FUT9: variants seen among roughly 807,000 people sequenced by gnomAD.
FUT9 encodes the protein 4-galactosyl-N-acetylglucosaminide 3-alpha-L-fucosyltransferase 9.
In FUT9, 15 loss-of-function variants were observed where a neutral mutation model predicts 29.7. That is an observed-to-expected ratio of 0.51 (90% CI 0.34 to 0.78). FUT9 has a LOEUF of 0.78. Ranked by LOEUF, FUT9 falls within the 30% of genes least tolerant of loss-of-function variation. The pLI is 0.01. For missense variants in FUT9, 319 were observed against 425.4 expected, an observed-to-expected ratio of 0.75 and a Z score of 2.20; for synonymous variants, 169 against 153.7, an observed-to-expected ratio of 1.10 and a Z score of -0.74.
chr6:96,067,663 ACT>A (rs1176610094), intron 1 of FUT9, among the ~76,000 whole-genome samples: 1 of 152,058 alleles, frequency 6.6e-6, no homozygotes. Context: ...CTCAAGGATG[ACT>A]CTGATGCTTT....
At chr6:96,168,730 T>C (rs936148447) in intron 2 of FUT9, among the ~76,000 whole-genome samples, 4 of 152,162 alleles carry the variant, frequency 2.6e-5, no homozygotes, top group Non-Finnish European at 4.4e-5. Context: ...AATCAGTAGA[T>C]GGCAGGGAAG....
chr6:96,132,322 C>T (rs1562136955), intron 2 of FUT9, among the ~76,000 whole-genome samples: 2 of 105,140 alleles, frequency 1.9e-5, no homozygotes, highest in Non-Finnish European at 4.5e-5. Flanking sequence ...TCTGCTGTTC[C>T]ATTTCTAAAA....
intron 2 of FUT9, among the ~76,000 whole-genome samples, chr6:96,143,473 CCTT>C (rs941735249): frequency 2.6e-5 from 4 of 152,028 alleles, no homozygotes; most frequent in African/African-American, 9.7e-5. Flanking sequence ...TTCATTCATT[CCTT>C]CTTTCCTTTT....
intron 2 of FUT9, among the ~76,000 whole-genome samples, chr6:96,167,216 T>G (rs1016768519): frequency 6.6e-6 from 1 of 152,214 alleles, no homozygotes; most frequent in Non-Finnish European, 1.5e-5. Flanking sequence ...ATGTGATCCT[T>G]AATCCCTAAT....
At chr6:96,172,586 C>A (rs970007297) in intron 2 of FUT9, among the ~76,000 whole-genome samples, 1 of 151,816 alleles carries the variant, frequency 6.6e-6, no homozygotes, top group African/African-American at 2.4e-5. Context: ...TGGGTTTCTA[C>A]ATCATACCAC....
intron 1 of FUT9, among the ~76,000 whole-genome samples, chr6:96,110,205 C>A (rs1771772259): frequency 6.6e-6 from 1 of 152,242 alleles, no homozygotes; most frequent in South Asian, 2.1e-4. Flanking sequence ...ATTCAGCCTG[C>A]CCTTGATCTT....
chr6:96,047,739 A>T (rs139527320), intron 1 of FUT9, among the ~76,000 whole-genome samples: 2 of 152,298 alleles, frequency 1.3e-5, no homozygotes, highest in East Asian at 3.9e-4. Flanking sequence ...CATAGGTAAT[A>T]TGTGAGAAAA....
At chr6:96,125,334 G>A (rs1263929080) in intron 2 of FUT9, among the ~76,000 whole-genome samples, 2 of 152,148 alleles carry the variant, frequency 1.3e-5, no homozygotes, top group Middle Eastern at 3.2e-3. Context: ...TATGAGGCAA[G>A]TCAGTTTATC....
intron 1 of FUT9, among the ~76,000 whole-genome samples, chr6:96,034,955 TG>T (rs1770325249): frequency 6.6e-6 from 1 of 151,724 alleles, no homozygotes; most frequent in South Asian, 2.1e-4. Flanking sequence ...ATCAGTTGTT[TG>T]GATAAGAGGA....
At chr6:96,170,922 T>C (rs561191439) in intron 2 of FUT9, among the ~76,000 whole-genome samples, 1 of 152,316 alleles carries the variant, frequency 6.6e-6, no homozygotes, top group Non-Finnish European at 1.5e-5. Context: ...GTCTACACTT[T>C]TGAGGACAAC....
intron 1 of FUT9, among the ~76,000 whole-genome samples, chr6:96,018,989 T>C (rs1203685700): frequency 6.6e-6 from 1 of 151,966 alleles, no homozygotes; most frequent in Admixed American, 6.6e-5. Context: ...ATTATTTTGG[T>C]ATTTGGAATA....
At chr6:96,080,032 T>A (rs1582215967) in intron 1 of FUT9, among the ~76,000 whole-genome samples, 1 of 152,050 alleles carries the variant, frequency 6.6e-6, no homozygotes, top group African/African-American at 2.4e-5. Flanking sequence ...TAGAATAAAC[T>A]CAGGACATTA....
intron 1 of FUT9, among the ~76,000 whole-genome samples, chr6:96,092,328 G>A (rs1301485974): frequency 1.3e-5 from 2 of 152,052 alleles, no homozygotes; most frequent in Non-Finnish European, 2.9e-5. Context: ...ATACACTTGT[G>A]TGAAATTCAA....
chr6:96,181,474 A>T (rs952594416), intron 2 of FUT9, among the ~76,000 whole-genome samples: 3 of 151,508 alleles, frequency 2.0e-5, no homozygotes, highest in South Asian at 2.1e-4. Flanking sequence ...TTGGGGGAAC[A>T]GGTGGTGTTT....
chr6:96,046,151 GT>G (rs11314020), intron 1 of FUT9, among the ~76,000 whole-genome samples: 104,952 of 145,196 alleles, frequency 0.72, 38,199 homozygotes, highest in African/African-American at 0.88. Context: ...TTTCAAAGTT[GT>G]TTTTTTTTTT....
chr6:96,083,442 A>G (rs1035801072), intron 1 of FUT9, among the ~76,000 whole-genome samples: 1 of 152,072 alleles, frequency 6.6e-6, no homozygotes, highest in Non-Finnish European at 1.5e-5. Context: ...TGTTCTCTGG[A>G]TGCATTGACT....
chr6:96,127,404 T>G (rs924962877), intron 2 of FUT9, among the ~76,000 whole-genome samples: 4 of 152,230 alleles, frequency 2.6e-5, no homozygotes, highest in African/African-American at 9.6e-5. Context: ...TATTCCATGT[T>G]GCATATGTAC....
At chr6:96,061,858 C>A (rs1770880110) in intron 1 of FUT9, among the ~76,000 whole-genome samples, 1 of 152,172 alleles carries the variant, frequency 6.6e-6, no homozygotes, top group Non-Finnish European at 1.5e-5. Context: ...GGGATTCTCC[C>A]AGAGTACTTC....
intron 2 of FUT9, among the ~76,000 whole-genome samples, chr6:96,147,845 C>T (rs1464616521): frequency 6.7e-6 from 1 of 150,014 alleles, no homozygotes; most frequent in African/African-American, 2.5e-5. Flanking sequence ...GAATATATCA[C>T]AGCCACACTA....
Sources: gnomAD v4.1 joint callset for allele counts (sites outside exome capture counted in the v4.1 genomes callset) on GRCh38, gnomAD v4.1.1 for gene constraint, MANE v1.5 for transcripts, NCBI Gene and HGNC (gene_info 2026-07-23, HGNC 2026-07-21) for gene names.